The following TNRC6A variants were observed in gnomAD, a reference collection of about 807,000 sequenced individuals.
TNRC6A encodes trinucleotide repeat-containing gene 6A protein.
In TNRC6A, 44 loss-of-function variants were observed where a neutral mutation model predicts 221.2. That is an observed-to-expected ratio of 0.20 (90% CI 0.16 to 0.26). The LOEUF (loss-of-function observed/expected upper bound fraction) is 0.26, where lower values mean the gene tolerates loss of function less well. Ranked by LOEUF, TNRC6A falls within the 10% of genes least tolerant of loss-of-function variation. The pLI is 1.00. For synonymous variants in TNRC6A, 847 were observed against 838.5 expected (o/e 1.01, Z -0.18); for missense variants, 2,199 against 2,404.4 (o/e 0.91, Z 1.79).
chr16:24,723,061 C>T (rs1198514610), intron 2 of TNRC6A, among the ~76,000 whole-genome samples: 2 of 152,076 alleles, frequency 1.3e-5, no homozygotes, highest in African/African-American at 2.4e-5. Flanking sequence ...TAAATTTTGA[C>T]ATGTCAGCCT....
rs571460110 is a variant in TNRC6A, at chr16:24,758,300, A to G, written c.142-39A>G. 7 of 1,582,166 alleles carry G rather than the reference A, an allele frequency of 4.4e-6. No individual in the cohort carries two copies. The Admixed American group carries it at 8.4e-5, about 19-fold the overall frequency. ...ATAACAGTCCATTTCTTTCAGTTTC[A>G]TATTTACATTGTTTTTTGTTTGTTT... On this transcript the variant is annotated intron_variant, in intron 3 of 24. Coordinates refer to ENST00000395799, the MANE Select transcript of TNRC6A (RefSeq NM_014494.4).
chr16:24,727,950 T>G (rs774959935), upstream of TNRC6A, among the ~76,000 whole-genome samples: 17 of 152,102 alleles, frequency 1.1e-4, no homozygotes, highest in Admixed American at 1.1e-3. Flanking sequence ...AAAGTGTTTT[T>G]TATATGCTCA....
At chr16:24,695,350 T>C (rs1162174335) in intron 2 of TNRC6A, among the ~76,000 whole-genome samples, 1 of 152,150 alleles carries the variant, frequency 6.6e-6, no homozygotes, top group Non-Finnish European at 1.5e-5. Context: ...AGAAGCCCAG[T>C]GCATAAAAGC....
intron 18 of TNRC6A, among the ~76,000 whole-genome samples, chr16:24,812,283 C>T (rs2058562544): frequency 1.3e-5 from 2 of 152,076 alleles, no homozygotes; most frequent in South Asian, 4.2e-4. Context: ...TTCTCCTGAA[C>T]TCAGGTGATC....
intron 2 of TNRC6A, among the ~76,000 whole-genome samples, chr16:24,704,782 T>G (rs1183355543): frequency 2.0e-5 from 3 of 151,862 alleles, no homozygotes; most frequent in Non-Finnish European, 4.4e-5. Flanking sequence ...AGCTGTGCAC[T>G]TTTCTGGGTG....
chr16:24,732,637 G>A lies in TNRC6A; in HGVS notation c.53+2337G>A, dbSNP rs2056671338. On this transcript the variant is annotated intron_variant, in intron 2 of 24. Transcript: ENST00000395799. ...AATTTGAAAATTTCTTTTGGTAGGC[G>A]GGACCCACAGATGCATGCAATACTT... 2.0e-5 allele frequency among the ~76,000 whole-genome samples: 3 copies of A among 152,078 alleles called. No individual in the cohort carries two copies. In the South Asian group the frequency reaches 6.2e-4, roughly 31 times the overall value.
At chr16:24,782,240 T>G (rs1483199970) in intron 5 of TNRC6A, among the ~76,000 whole-genome samples, 1 of 152,228 alleles carries the variant, frequency 6.6e-6, no homozygotes, top group Non-Finnish European at 1.5e-5. Flanking sequence ...TCCCCAAGGA[T>G]GTCTTTTATA....
At chr16:24,780,341 A>G (rs1020644431) in intron 5 of TNRC6A, among the ~76,000 whole-genome samples, 1 of 152,188 alleles carries the variant, frequency 6.6e-6, no homozygotes, top group African/African-American at 2.4e-5. Flanking sequence ...ACATTATGGC[A>G]CTTCAACTTT....
rs371715759 is a variant in TNRC6A at position 24,670,195 on chromosome 16, C to T, written n.402+29186C>T. Among the ~76,000 whole-genome samples, 16 of 152,024 alleles carry T rather than the reference C, an allele frequency of 1.1e-4. No individual in the cohort carries two copies. In the East Asian group the frequency reaches 3.1e-3, roughly 29 times the overall value. On this transcript the variant is annotated intron_variant and non_coding_transcript_variant, in intron 2 of 2. Transcript: ENST00000566108. ...GAACTCCTGAGCTCAAGCAATCCAC[C>T]CACCTCGGCCTCCCAAAGTGCTGGG... is the stretch of plus-strand genomic sequence containing the variant.
At chr16:24,649,798 C>CT (rs554973979) in intron 2 of TNRC6A, among the ~76,000 whole-genome samples, 214 of 149,248 alleles carry the variant, frequency 1.4e-3, no homozygotes, top group Non-Finnish European at 2.5e-3. Flanking sequence ...CATCCCCCAG[C>CT]TTCCAGTCTC....
At chr16:24,817,387 A>C (rs190760979) in intron 20 of TNRC6A, among the ~76,000 whole-genome samples, 32 of 152,338 alleles carry the variant, frequency 2.1e-4, no homozygotes, top group Admixed American at 2.0e-3. Flanking sequence ...TAGTTTAAAA[A>C]ATGGGTGTTT....
intron 1 of TNRC6A, among the ~76,000 whole-genome samples, chr16:24,629,360 C>A (rs1043573142): frequency 6.6e-6 from 1 of 152,174 alleles, no homozygotes; most frequent in African/African-American, 2.4e-5. Flanking sequence ...ACACTATTTA[C>A]AAACCTAGGA....
intron 2 of TNRC6A, among the ~76,000 whole-genome samples, chr16:24,659,367 T>G (rs1420160546): frequency 6.6e-6 from 1 of 152,140 alleles, no homozygotes; most frequent in African/African-American, 2.4e-5. Flanking sequence ...TTTAAATTTT[T>G]TCTTTGATCT....
intron 2 of TNRC6A, chr16:24,664,769 TCACACACACACACACACACACACACA>T (rs149786252): frequency 0.032 from 9,722 of 301,512 alleles, 306 homozygotes; most frequent in East Asian, 0.14. Flanking sequence ...AATCCCCAAA[TCACACACACACACACACACACACACA>T]CACACACACA....
intron 4 of TNRC6A, among the ~76,000 whole-genome samples, chr16:24,770,871 A>G (rs542962213): frequency 6.6e-6 from 1 of 152,184 alleles, no homozygotes; most frequent in Non-Finnish European, 1.5e-5. Flanking sequence ...CAGGATCCCT[A>G]GGAGGCTCCT....
chr16:24,764,814 G>A (rs1435711327), intron 4 of TNRC6A, among the ~76,000 whole-genome samples: 4 of 151,906 alleles, frequency 2.6e-5, no homozygotes, highest in Admixed American at 6.6e-5. Flanking sequence ...TTGAAATCTC[G>A]GATAGTACTG....
At chr16:24,646,530 A>G (rs1902299452) in intron 2 of TNRC6A, among the ~76,000 whole-genome samples, 1 of 152,226 alleles carries the variant, frequency 6.6e-6, no homozygotes, top group African/African-American at 2.4e-5. Flanking sequence ...ATACAGTGGG[A>G]TGAAGCAATA....
At chr16:24,684,860 C>T (rs950957031) in intron 2 of TNRC6A, among the ~76,000 whole-genome samples, 5 of 152,140 alleles carry the variant, frequency 3.3e-5, no homozygotes, top group African/African-American at 4.8e-5. Flanking sequence ...CAAAAGCAGC[C>T]GGTGTCAGGC....
At chr16:24,663,877 A>G in intron 2 of TNRC6A, 1 of 455,936 alleles carries the variant, frequency 2.2e-6, no homozygotes, top group South Asian at 1.6e-5. Flanking sequence ...GGCCCCAGAT[A>G]TACAGAAGCC....
Sources: allele counts gnomAD v4.1 joint callset (sites outside exome capture counted in the v4.1 genomes callset), GRCh38; gene constraint gnomAD v4.1.1; transcripts MANE v1.5; gene names NCBI Gene and HGNC (gene_info 2026-07-23, HGNC 2026-07-21).